Variants in SSUH2 observed in about 807,000 individuals in gnomAD.
SSUH2 encodes ssu-2 homolog, also known as protein SSUH2 homolog.
In SSUH2, 47 loss-of-function variants were observed where a neutral mutation model predicts 55.3. That is an observed-to-expected ratio of 0.85 (90% CI 0.67 to 1.08). The LOEUF is 1.08. Among genes scored for constraint, SSUH2 ranks in the 50% least tolerant of loss-of-function variants. SSUH2 has a pLI of 0.00. For synonymous variants in SSUH2, 212 were observed against 191.5 expected (o/e 1.11, Z -0.89); for missense variants, 535 against 490.7 (o/e 1.09, Z -0.85).
At chr3:8,657,456 C>T (rs995691285) in intron 7 of SSUH2, among the ~76,000 whole-genome samples, 2 of 151,218 alleles carry the variant, frequency 1.3e-5, no homozygotes, top group Admixed American at 6.6e-5. Flanking sequence ...GACATGGACA[C>T]GTGGAAGTTC....
intron 3 of SSUH2, among the ~76,000 whole-genome samples, chr3:8,673,607 T>A (rs1057398299): frequency 1.6e-4 from 25 of 152,150 alleles, no homozygotes; most frequent in Non-Finnish European, 5.9e-5. Flanking sequence ...TTGATTGCCA[T>A]CGGTTGCTCA....
At chr3:8,641,289 G>A (rs1488989323) in intron 1 of SSUH2, among the ~76,000 whole-genome samples, 1 of 152,216 alleles carries the variant, frequency 6.6e-6, no homozygotes, top group Non-Finnish European at 1.5e-5. Flanking sequence ...CCCAAAGGTA[G>A]ATCAATGTTT....
chr3:8,679,460 C>A (rs1465809034), intron 2 of SSUH2, among the ~76,000 whole-genome samples: 1 of 142,416 alleles, frequency 7.0e-6, no homozygotes, highest in African/African-American at 2.5e-5. Context: ...GGAGGCACCC[C>A]CCGGGAGGCG....
In SSUH2 at chr3:8,633,563, C is replaced by T. The variant is rs188981024; in HGVS notation, c.339+103G>A. On this transcript the variant is annotated intron_variant, in intron 4 of 11. Transcript: ENST00000544814. ...ACACTCAAACACACTGCCCCCAGGA[C>T]TCCTTTCCCCTGGCCACATCACACA... 7.4e-3 allele frequency: 6,933 copies of T among 940,324 alleles called. 33 individuals are homozygous for T. Among genetic ancestry groups the T allele is most frequent in the South Asian group, 0.011 (522 of 48,308 alleles). The allele number at this position is 940,324 out of a possible 1,614,324, so 58.2% of individuals were successfully genotyped here.
In SSUH2 at chr3:8,633,725, T is replaced by TACACC; in HGVS notation, c.279_280insGGTGT (p.Ser94GlyfsTer15). 1 of 1,585,544 alleles carries TACACC rather than the reference T, an allele frequency of 6.3e-7. No individual in the cohort carries two copies. ...ACGAGGTCTCCAGCCACCGTGCTGCTGTAGCAGCACTTAGAGTCCACAAAG... is the reference window on the plus strand; with the variant it reads ...ACGAGGTCTCCAGCCACCGTGCTGCTACACCGTAGCAGCACTTAGAGTCCACAAAG... On this transcript the variant is annotated frameshift_variant, in exon 4 of 12. Transcript: ENST00000544814. LOFTEE classifies it high-confidence loss of function.
chr3:8,659,767 G>A (rs1428739747), intron 6 of SSUH2: 1 of 456,508 alleles, frequency 2.2e-6, no homozygotes, highest in East Asian at 7.0e-5. Flanking sequence ...TATTTATTGT[G>A]TGCAGTGTAA....
At position 8,636,488 on chromosome 3, in the gene SSUH2, G is replaced by C. The variant is rs552588288; in HGVS notation, c.29-631C>G. Among the ~76,000 whole-genome samples, 8 of 152,208 alleles carry C rather than the reference G, an allele frequency of 5.3e-5. 1 individual carries two copies. Among genetic ancestry groups the C allele is most frequent in the African/African-American group, 1.7e-4 (7 of 41,542 alleles). ...CGTGGAGCAGAAGAATCTCCTGCCT[G>C]AGCCCTACCCTAATTCCTGACCCAT... is the stretch of plus-strand genomic sequence containing the variant. On this transcript the variant is annotated intron_variant, in intron 1 of 11. Transcript: ENST00000544814.
chr3:8,645,023 C>T (rs1701491270), upstream of SSUH2, among the ~76,000 whole-genome samples: 1 of 152,154 alleles, frequency 6.6e-6, no homozygotes, highest in African/African-American at 2.4e-5. Context: ...TCACTGCACC[C>T]CTTTGAGAGG....
rs150407348 is a variant in SSUH2 at position 8,657,897 on chromosome 3, C to T, written c.-307+1028G>A. On this transcript the variant is annotated intron_variant, in intron 7 of 18. Transcript: ENST00000317371. ...TGGTATCAGCAGGCAGTGGGGCTGT[C>T]CCAGTCTCTTCCCAGCCTCCACGCC... 3.7e-3 allele frequency among the ~76,000 whole-genome samples: 558 copies of T among 152,368 alleles called. 3 individuals carry two copies. The highest frequency in any genetic ancestry group is 0.016 in the South Asian group (78 of 4,832).
intron 3 of SSUH2, chr3:8,634,078 A>G (rs1575139342): frequency 3.3e-6 from 3 of 897,078 alleles, no homozygotes; most frequent in Admixed American, 5.4e-5. Context: ...AAGAAACACA[A>G]CCTTAGAGAG....
intron 6 of SSUH2, among the ~76,000 whole-genome samples, chr3:8,660,123 A>G (rs928624296): frequency 2.6e-5 from 4 of 152,220 alleles, no homozygotes; most frequent in Admixed American, 2.6e-4. Flanking sequence ...GGACTACACA[A>G]TTCCTAACAG....
chr3:8,627,831 G>C (rs746833566), intron 7 of SSUH2, 48 bp from the exon 8 acceptor site: 1 of 1,547,006 alleles, frequency 6.5e-7, no homozygotes, highest in South Asian at 1.2e-5. Flanking sequence ...CCAGGAAGCA[G>C]GGCCAACGGC....
At chr3:8,625,342 G>C (rs773317724) in intron 10 of SSUH2, among the ~76,000 whole-genome samples, 200 bp downstream of exon 10, 1 of 152,128 alleles carries the variant, frequency 6.6e-6, no homozygotes, top group Non-Finnish European at 1.5e-5. Context: ...GGGAAGGACA[G>C]AGGGCTGAGT....
At position 8,625,454 on chromosome 3, in the gene SSUH2, A is replaced by C. The variant is rs536496716; in HGVS notation, c.873+88T>G. ...CACAACCTGTCCTTCCAAGGAATGC[A>C]GCCTGCACACACAGCTAGCAGCCCC... On this transcript the variant is annotated intron_variant, in intron 10 of 11. Transcript: ENST00000544814. 1.8e-4 allele frequency: 141 copies of C among 784,728 alleles called. 1 individual carries two copies. In the African/African-American group the frequency reaches 2.3e-3, roughly 13 times the overall value. 48.6% of individuals were successfully genotyped at this position (784,728 alleles called of 1,614,324 possible).
chr3:8,642,952 G>A (rs1701105077), intron 1 of SSUH2, among the ~76,000 whole-genome samples: 1 of 152,142 alleles, frequency 6.6e-6, no homozygotes, highest in Non-Finnish European at 1.5e-5. Context: ...CATCACATCT[G>A]AGACCAGCAC....
intron 6 of SSUH2, among the ~76,000 whole-genome samples, chr3:8,660,711 CGTT>C (rs1703393299): frequency 6.6e-6 from 1 of 152,160 alleles, no homozygotes; most frequent in South Asian, 2.1e-4. Context: ...CCACAAGTTA[CGTT>C]ATGCTATAGA....
chr3:8,674,805 A>G (rs1415615990), intron 3 of SSUH2, among the ~76,000 whole-genome samples: 1 of 151,820 alleles, frequency 6.6e-6, no homozygotes, highest in Admixed American at 6.6e-5. Context: ...GGAGGAATGG[A>G]GACTTTTCTG....
chr3:8,621,192 A>G lies in SSUH2; in HGVS notation c.982-1178T>C, dbSNP rs368330495. Among the ~76,000 whole-genome samples the G allele has an allele frequency of 2.0e-5, 3 of 152,220 alleles. No individual in the cohort carries two copies. The East Asian group carries it at 5.8e-4, about 29-fold the overall frequency. The stretch of plus-strand genomic sequence containing the variant: ...AAAAACCCCTAAGTTCTTCTGCACA[A>G]GATGTTCCCCTGTCCCAGACTCAGA... On this transcript the variant is annotated intron_variant, in intron 11 of 11. Coordinates refer to ENST00000544814, the MANE Select transcript of SSUH2 (RefSeq NM_001256748.3).
At chr3:8,647,458 T>C (rs1338179910), upstream of SSUH2, among the ~76,000 whole-genome samples, 1 of 152,006 alleles carries the variant, frequency 6.6e-6, no homozygotes, top group Non-Finnish European at 1.5e-5. Flanking sequence ...GGCTTCAGAG[T>C]CAGGGTAGAC....
Sources: allele counts gnomAD v4.1 joint callset (sites outside exome capture counted in the v4.1 genomes callset), GRCh38; gene constraint gnomAD v4.1.1; transcripts MANE v1.5; gene names NCBI Gene and HGNC (gene_info 2026-07-23, HGNC 2026-07-21).